Variants in APH1A observed in about 807,000 individuals in gnomAD.
The protein encoded by APH1A is aph-1A gamma-secretase subunit, also known as gamma-secretase subunit APH-1A.
Under a neutral mutation model 30.3 loss-of-function variants are expected in APH1A, and 16 were observed. The observed-to-expected ratio is 0.53, with a 90% CI of 0.36 to 0.80. The LOEUF is 0.80. APH1A is among the 30% of genes least tolerant of loss of function. The pLI, the probability that APH1A is intolerant of heterozygous loss-of-function variation, is 0.01. For missense variants in APH1A, 245 were observed against 337.8 expected (o/e 0.73, Z 2.15); for synonymous variants, 144 against 140.1 (o/e 1.03, Z -0.20).
intron 5 of APH1A, 121 bp from the exon 6 acceptor site, chr1:150,266,777 G>A: frequency 1.6e-6 from 2 of 1,267,996 alleles, no homozygotes; most frequent in Non-Finnish European, 2.2e-6. Context: ...TTTCCCTTCA[G>A]AGCACCAACA....
At position 150,265,872 on chromosome 1, in the gene APH1A, G is replaced by T; in HGVS notation, c.*258C>A. On this transcript the variant is annotated 3_prime_UTR_variant, in exon 7 of 7. Transcript: ENST00000369109. The stretch of plus-strand genomic sequence containing the variant: ...CCCCCACCTCAAAAAAGAAAAAAAG[G>T]CAGTTTAGGGTATTTATCACACCAA... 2.3e-6 allele frequency: 1 copy of T among 439,684 alleles called. No homozygotes were observed. The highest frequency in any genetic ancestry group is 4.1e-6 in the Non-Finnish European group (1 of 243,088). The allele number at this position is 439,684 out of a possible 1,614,324, so 27.2% of individuals were successfully genotyped here. A position where few individuals can be genotyped will look rare whatever the true frequency, so the allele number is the denominator to read the frequency against.
intron 1 of APH1A, 50 bp from the exon 2 acceptor site, chr1:150,268,177 G>C (rs1055285642): frequency 1.3e-6 from 2 of 1,585,428 alleles, no homozygotes; most frequent in African/African-American, 1.4e-5. Context: ...GGGAGCCAGA[G>C]AAATCAAGGA....
At chr1:150,267,881 A>G in intron 2 of APH1A, 76 bp downstream of exon 2, 1 of 1,612,560 alleles carries the variant, frequency 6.2e-7, no homozygotes, top group Non-Finnish European at 8.5e-7. Flanking sequence ...CTTCCAAACC[A>G]GCACCCAGGG....
chr1:150,268,915 G>A lies in APH1A; in HGVS notation c.-105C>T. ...TGGGGTGGCAACGCGACCCCACGAG[G>A]GGCGCGGTGCAATGTCACCCCCAGA... On this transcript the variant is annotated 5_prime_UTR_variant, in exon 1 of 7. Transcript: ENST00000369109. 6 of 984,072 alleles carry A rather than the reference G, an allele frequency of 6.1e-6. No individual in the cohort carries two copies. Among genetic ancestry groups the A allele is most frequent in the Non-Finnish European group, 9.2e-6 (6 of 652,254 alleles). 61.0% of individuals were successfully genotyped at this position (984,072 alleles called of 1,614,324 possible). A position where few individuals can be genotyped will look rare whatever the true frequency, so the allele number is the denominator to read the frequency against.
chr1:150,268,635 C>T (rs2101855134), intron 1 of APH1A, 63 bp downstream of exon 1: 1 of 1,513,114 alleles, frequency 6.6e-7, no homozygotes, highest in Non-Finnish European at 9.0e-7. Context: ...GCCCCAGTTC[C>T]TCCAGCCCCT....
chr1:150,267,516 C>T, intron 3 of APH1A, 38 bp from the exon 4 acceptor site: 1 of 1,611,054 alleles, frequency 6.2e-7, no homozygotes, highest in Non-Finnish European at 8.5e-7. Flanking sequence ...TCAGAGATCA[C>T]ACTATTGCCT....
Position 150,268,711 on chromosome 1 carries a change from T to C in APH1A, c.100A>G (p.Ile34Val). The C allele has an allele frequency of 6.2e-7, 1 of 1,612,530 alleles. No individual in the cohort carries two copies. Among genetic ancestry groups the C allele is most frequent in the Non-Finnish European group, 8.5e-7 (1 of 1,179,422 alleles). The change falls in exon 1 of 7, where the codon ATC (isoleucine) becomes GTC (valine). Residue 34 changes from isoleucine (I) to valine (V), a missense_variant. Transcript: ENST00000369109. ...CCCTCTACTCACCCTGCGACCAGGA[T>C]GATAACGCGAAGCGGGTCCCCAGCC... ...TVAGDPLRVI[I>V]LVAGAFFWLV...
In APH1A at chr1:150,267,398, C is replaced by T. The variant is rs1651821032; in HGVS notation, c.439G>A (p.Val147Ile). ...TAGGGTGAGTCTCCATGGATCCCAACCACACCTGGCCCAAGTGCATCAGCC... is the reference window on the plus strand; with the variant it reads ...TAGGGTGAGTCTCCATGGATCCCAATCACACCTGGCCCAAGTGCATCAGCC... ...ILADALGPGV[V>I]GIHGDSPYYF... Residue 147 changes from valine to isoleucine, a missense_variant, in exon 4 of 7, where the codon GTT becomes ATT. Val to Ile is a conservative substitution (Grantham distance 29). Transcript: ENST00000369109. 6.2e-7 allele frequency: 1 copy of T among 1,614,178 alleles called. No homozygotes were observed. Among genetic ancestry groups the T allele is most frequent in the East Asian group, 2.2e-5 (1 of 44,878 alleles).
intron 6 of APH1A, 29 bp from the exon 7 acceptor site, chr1:150,266,223 G>C: frequency 6.3e-7 from 1 of 1,581,176 alleles, no homozygotes; most frequent in Non-Finnish European, 8.6e-7. Flanking sequence ...GTGAGTCTTG[G>C]GCAGGGTGAG....
Position 150,267,972 on chromosome 1 carries a change from T to C in APH1A, c.269A>G (p.Tyr90Cys), listed in dbSNP as rs370361277. 5 of 1,613,990 alleles carry C rather than the reference T, an allele frequency of 3.1e-6. No individual in the cohort carries two copies. The African/African-American group carries it at 5.3e-5, about 17-fold the overall frequency. The change falls in exon 2 of 7, where the codon TAC (tyrosine) becomes TGC (cysteine). Residue 90 changes from tyrosine to cysteine, a missense_variant. Physicochemically the swap from Tyr to Cys is radical, Grantham distance 194 (BLOSUM62 -2). Transcript: ENST00000369109. Reference sequence around the variant, plus strand: ...ATCTTCTTACTTAAGCAGCTTGTAGTAGGCAAAGCGGAACACCTCCTGTAG... The same window carrying C: ...ATCTTCTTACTTAAGCAGCTTGTAGCAGGCAAAGCGGAACACCTCCTGTAG... ...VLLQEVFRFA[Y>C]YKLLKKADEG...
chr1:150,266,491 G>A (rs782701021), intron 6 of APH1A, 42 bp downstream of exon 6: 2 of 1,613,064 alleles, frequency 1.2e-6, no homozygotes, highest in Middle Eastern at 1.7e-4. Context: ...GGACAGGCAG[G>A]TGGGATCTGT....
At chr1:150,267,048 T>C (rs1553850048) in intron 5 of APH1A, 27 bp downstream of exon 5, 2 of 1,613,466 alleles carry the variant, frequency 1.2e-6, no homozygotes, top group Admixed American at 1.7e-5. Flanking sequence ...CTTTTCTCCC[T>C]AACTCAGGCC....
intron 1 of APH1A, 199 bp downstream of exon 1, chr1:150,268,499 G>A (rs781928582): frequency 3.2e-6 from 2 of 616,538 alleles, no homozygotes; most frequent in Non-Finnish European, 5.7e-6. Context: ...AATATAGGAG[G>A]AATCTGTGAG....
chr1:150,266,439 G>A (rs1347693906), intron 6 of APH1A, 94 bp downstream of exon 6: 13 of 1,584,562 alleles, frequency 8.2e-6, no homozygotes, highest in Non-Finnish European at 8.6e-6. Context: ...AGAGAATGTG[G>A]GCAATGGACC....
At position 150,266,193 on chromosome 1, in the gene APH1A, G is replaced by C. The variant is rs74126634; in HGVS notation, c.735C>G (p.Cys245Trp). The change falls in exon 7 of 7, where the codon TGC becomes TGG. Residue 245 changes from cysteine (C) to tryptophan (W), a missense_variant and splice_region_variant. Physicochemically the swap from Cys to Trp is radical, Grantham distance 215 (BLOSUM62 -2). Coordinates refer to ENST00000369109, the MANE Select transcript of APH1A (RefSeq NM_001077628.3). ...SLRSIQRSLL[C>W]RRQEDSRVMV... ...TCACCCGACTGTCCTCCTGCCGTCG[G>C]CCTGCAGAGGGGAAGGGAGGTGAGT... The C allele has an allele frequency of 1.2e-3, 1,914 of 1,599,640 alleles. 16 individuals are homozygous for C. In the African/African-American group the frequency reaches 0.022, roughly 18 times the overall value.
In APH1A at chr1:150,266,546, C is replaced by T; in HGVS notation, c.720G>A (p.Gln240=). ...GTCAGTCCTTACACAAGAGGCTGCG[C>T]TGAATACTTCGGAGGGACCCTCCAG... ...ITAGGSLRSI[Q]RSLLCRRQED... The change falls in exon 6 of 7, where the codon CAG becomes CAA. Residue 240 remains glutamine (Q), a synonymous_variant. Coordinates refer to ENST00000369109, the MANE Select transcript of APH1A (RefSeq NM_001077628.3). The T allele has an allele frequency of 6.2e-7, 1 of 1,614,146 alleles. No homozygotes were observed. The highest frequency in any genetic ancestry group is 8.5e-7 in the Non-Finnish European group (1 of 1,180,032).
intron 1 of APH1A, 153 bp downstream of exon 1, chr1:150,268,545 C>A (rs1054297567): frequency 4.1e-6 from 3 of 728,586 alleles, no homozygotes; most frequent in Non-Finnish European, 6.8e-6. Context: ...CGGGAAAGGA[C>A]AAATCTCCCA....
intron 1 of APH1A, 131 bp from the exon 2 acceptor site, chr1:150,268,258 T>C (rs1572089536): frequency 5.8e-6 from 6 of 1,034,592 alleles, no homozygotes; most frequent in African/African-American, 1.6e-5. Context: ...ATGGACCAGG[T>C]AGGGTAACTG....
chr1:150,267,486 A>T lies in APH1A; in HGVS notation c.359-8T>A. 9 of 1,613,860 alleles carry T rather than the reference A, an allele frequency of 5.6e-6. No individual in the cohort carries two copies. Among genetic ancestry groups the T allele is most frequent in the Non-Finnish European group, 7.6e-6 (9 of 1,179,880 alleles). Reference sequence around the variant, plus strand: ...CGAAGGAGAGACCAGAAACTGGGGGAAGGGAGGATCTCATCAATGTCAGAG... The same window carrying T: ...CGAAGGAGAGACCAGAAACTGGGGGTAGGGAGGATCTCATCAATGTCAGAG... On this transcript the variant is annotated splice_polypyrimidine_tract_variant and splice_region_variant and intron_variant, in intron 3 of 6. Transcript: ENST00000369109.
Sources: allele counts gnomAD v4.1 joint callset, GRCh38; gene constraint gnomAD v4.1.1; transcripts MANE v1.5; gene names NCBI Gene and HGNC (gene_info 2026-07-23, HGNC 2026-07-21).